The following FLNC variants were observed in gnomAD, a reference collection of about 807,000 sequenced individuals.
FLNC encodes filamin C.
A neutral mutation model predicts 254.3 loss-of-function variants in FLNC; 91 were observed. The observed-to-expected ratio is 0.36, with a 90% CI of 0.30 to 0.43. FLNC has a LOEUF of 0.43. Ranked by LOEUF, FLNC falls within the 20% of genes least tolerant of loss-of-function variation. FLNC has a pLI of 1.00. For missense variants in FLNC, 2,853 were observed against 3,802.6 expected (o/e 0.75, Z 6.57); for synonymous variants, 1,430 against 1,577.2 (o/e 0.91, Z 2.21).
Position 128,837,740 on chromosome 7 carries a change from A to G in FLNC, c.954A>G (p.Glu318=). The G allele has an allele frequency of 6.3e-7, 1 of 1,584,594 alleles. No individual in the cohort carries two copies. The highest frequency in any genetic ancestry group is 2.3e-5 in the East Asian group (1 of 43,008). Residue 318 remains glutamate, a synonymous_variant, in exon 5 of 48, where the codon GAA becomes GAG. Transcript: ENST00000325888. ...TGCTGGTCTACATCGAGGACCCTGAAGGCCACACCGAGGAGGTATGCAGAG... is the reference window on the plus strand; with the variant it reads ...TGCTGGTCTACATCGAGGACCCTGAGGGCCACACCGAGGAGGTATGCAGAG... The part of the protein sequence containing the change: ...GEVLVYIEDP[E]GHTEEAKVVP...
intron 1 of FLNC, among the ~76,000 whole-genome samples, chr7:128,831,848 C>T (rs1807906505): frequency 6.6e-6 from 1 of 152,050 alleles, no homozygotes; most frequent in South Asian, 2.1e-4. Context: ...AGCAGAGACG[C>T]CAAGGGTGGG....
rs779239509 is a variant in FLNC at position 128,836,317 on chromosome 7, G to A, written c.601+743G>A. ...ATCCTCCTCCACCCTGGGGTCAGCC[G>A]GGGAGCAGAGGGTGGGAGGCGGGGG... On this transcript the variant is annotated intron_variant, in intron 2 of 47. Transcript: ENST00000325888. The surrounding 1 kb of genome is among the most constrained non-coding windows in gnomAD (Gnocchi z 6.0). 1.3e-5 allele frequency among the ~76,000 whole-genome samples: 2 copies of A among 152,220 alleles called. No homozygotes were observed. Among genetic ancestry groups the A allele is most frequent in the South Asian group, 2.1e-4 (1 of 4,836 alleles).
rs199804244 is a variant in FLNC at position 128,846,137 on chromosome 7, G to A, written c.3938G>A (p.Arg1313Gln). Residue 1313 changes from arginine to glutamine, a missense_variant, in exon 22 of 48, where the codon CGA (arginine) becomes CAA (glutamine). Around this residue, in one of 10 missense-constraint regions of FLNC, gnomAD observed 1,573 missense variants for 1,883.5 expected, o/e 0.84. Coordinates refer to ENST00000325888, the MANE Select transcript of FLNC (RefSeq NM_001458.5). ...ACAGACAATGGGGACGGCACCTACC[G>A]AGTGCAGTACACCGCCTACGAGGAG... ...YVTDNGDGTYRVQYTAYEEGV... is the reference protein window; with the variant it reads ...YVTDNGDGTYQVQYTAYEEGV... 660 of 1,613,908 alleles carry A rather than the reference G, an allele frequency of 4.1e-4. No individual in the cohort carries two copies. Among genetic ancestry groups the A allele is most frequent in the Non-Finnish European group, 5.2e-4 (618 of 1,179,984 alleles).
intron 1 of FLNC, among the ~76,000 whole-genome samples, chr7:128,832,463 G>T (rs1178996967): frequency 6.6e-6 from 1 of 152,220 alleles, no homozygotes; most frequent in Non-Finnish European, 1.5e-5. Flanking sequence ...GGTGGGGTCT[G>T]GGGGAAGAGC....
Position 128,858,621 on chromosome 7 carries a change from C to T in FLNC, c.*98C>T, listed in dbSNP as rs144986537. 6 of 938,604 alleles carry T rather than the reference C, an allele frequency of 6.4e-6. No homozygotes were observed. Among genetic ancestry groups the T allele is most frequent in the Admixed American group, 3.9e-5 (2 of 51,650 alleles). 58.1% of individuals were successfully genotyped at this position (938,604 alleles called of 1,614,324 possible). On this transcript the variant is annotated 3_prime_UTR_variant, in exon 48 of 48. Transcript: ENST00000325888. This position sits in a 1 kb window ranked among gnomAD's most constrained non-coding sequence, Gnocchi z 6.7. ...CACAAATGTGCCACACCCAGACACG[C>T]ACAGAATCAGACACTACAAACACCT...
In FLNC at chr7:128,837,523, C is replaced by T; in HGVS notation, c.825C>T (p.Pro275=). The change falls in exon 4 of 48, where the codon CCC becomes CCT. Residue 275 remains proline, a synonymous_variant. Transcript: ENST00000325888. ...CTGTTCGATCCAAGCAGCTGAACCC[C>T]AAGAAAGCCATCGCCTATGGGCCTG... ...GAPVRSKQLN[P]KKAIAYGPGI... The T allele has an allele frequency of 6.2e-7, 1 of 1,614,164 alleles. No homozygotes were observed. Among genetic ancestry groups the T allele is most frequent in the Non-Finnish European group, 8.5e-7 (1 of 1,180,022 alleles).
At position 128,842,734 on chromosome 7, in the gene FLNC, G is replaced by A; in HGVS notation, c.2389+36G>A. Reference sequence around the variant, plus strand: ...CCGGAAGGGGTGGGTCTGGGAGGGGGCGGGGGTGAGTCGAGTCGGGGGCTG... The same window carrying A: ...CCGGAAGGGGTGGGTCTGGGAGGGGACGGGGGTGAGTCGAGTCGGGGGCTG... On this transcript the variant is annotated intron_variant, in intron 15 of 47. Transcript: ENST00000325888. This position sits in a 1 kb window ranked among gnomAD's most constrained non-coding sequence, Gnocchi z 5.4. The A allele has an allele frequency of 1.3e-6, 2 of 1,582,882 alleles. No homozygotes were observed. The highest frequency in any genetic ancestry group is 1.1e-5 in the South Asian group (1 of 87,546).
intron 8 of FLNC, among the ~76,000 whole-genome samples, chr7:128,839,286 G>A (rs3823537): frequency 0.066 from 10,086 of 152,256 alleles, 393 homozygotes; most frequent in South Asian, 0.093. Flanking sequence ...GTTCCATGCC[G>A]TTGTCTGTGT....
Position 128,849,960 on chromosome 7 carries a change from T to A in FLNC, c.5200-16T>A. The A allele has an allele frequency of 6.4e-7, 1 of 1,565,566 alleles. No individual in the cohort carries two copies. The highest frequency in any genetic ancestry group is 8.7e-7 in the Non-Finnish European group (1 of 1,152,284). ...GAGGCTGCCACACCCTGTGCCCCCG[T>A]GCCTTGCCTCCCCAGGCGTGTGACC... On this transcript the variant is annotated splice_polypyrimidine_tract_variant and intron_variant, in intron 30 of 47. Transcript: ENST00000325888.
At chr7:128,849,611 C>T in intron 30 of FLNC, 33 bp downstream of exon 30, 1 of 1,609,364 alleles carries the variant, frequency 6.2e-7, no homozygotes. Context: ...GACTAGATGG[C>T]TGGGGAGGGG....
chr7:128,837,102 C>A, intron 2 of FLNC, 58 bp from the exon 3 acceptor site: 1 of 1,192,752 alleles, frequency 8.4e-7, no homozygotes, highest in Non-Finnish European at 1.2e-6. Flanking sequence ...GAACAAATGC[C>A]CTGCATCCTG....
chr7:128,841,150 C>T lies in FLNC; in HGVS notation c.1814-20C>T. ...TCTTGCCTGATGCTGGATCCCCGAC[C>T]CTCCCCCACCTTGCCCCAGGCTTCT... On this transcript the variant is annotated intron_variant, in intron 11 of 47. Transcript: ENST00000325888. This position sits in a 1 kb window ranked among gnomAD's most constrained non-coding sequence, Gnocchi z 4.3. 6.2e-7 allele frequency: 1 copy of T among 1,612,484 alleles called. No homozygotes were observed. The highest frequency in any genetic ancestry group is 8.5e-7 in the Non-Finnish European group (1 of 1,179,498).
At position 128,856,589 on chromosome 7, in the gene FLNC, T is replaced by A. The variant is rs752106552; in HGVS notation, c.7323T>A (p.Asp2441Glu). 3.7e-6 allele frequency: 6 copies of A among 1,612,700 alleles called. No homozygotes were observed. Among genetic ancestry groups the A allele is most frequent in the Middle Eastern group, 1.6e-4 (1 of 6,084 alleles). Reference sequence around the variant, plus strand: ...TGAACGGTGCCCGGGGCGTGATTGATGCCCGGGTGCACACACCCTCGGGGG... The same window carrying A: ...TGAACGGTGCCCGGGGCGTGATTGAAGCCCGGGTGCACACACCCTCGGGGG... ...VQLNGARGVI[D>E]ARVHTPSGAV... Residue 2441 changes from aspartate to glutamate, a missense_variant, in exon 44 of 48, where the codon GAT becomes GAA. Asp to Glu is a conservative substitution (Grantham distance 45). Transcript: ENST00000325888. This position sits in a 1 kb window ranked among gnomAD's most constrained non-coding sequence, Gnocchi z 5.9.
At chr7:128,833,860 C>T (rs1359380707) in intron 1 of FLNC, among the ~76,000 whole-genome samples, 1 of 152,024 alleles carries the variant, frequency 6.6e-6, no homozygotes, top group Non-Finnish European at 1.5e-5. Context: ...TGCAGTGGAG[C>T]CAGGGGAAGG....
rs765261026 is a variant in FLNC at position 128,854,089 on chromosome 7, G to T, written c.6600G>T (p.Glu2200Asp). 2.5e-6 allele frequency: 4 copies of T among 1,613,088 alleles called. No individual in the cohort carries two copies. Reference protein sequence around the residue: ...RTEISKTRGGETKREVRVEES... With the variant: ...RTEISKTRGGDTKREVRVEES... ...AGATCAGCAAGACGCGGGGCGGGGAGACAAAGCGCGAGGTGCGGGTGGAGG... is the reference window on the plus strand; with the variant it reads ...AGATCAGCAAGACGCGGGGCGGGGATACAAAGCGCGAGGTGCGGGTGGAGG... The change falls in exon 40 of 48, where the codon GAG (glutamate) becomes GAT (aspartate). Residue 2200 changes from glutamate to aspartate, a missense_variant. Glu to Asp is a conservative substitution (Grantham distance 45). This residue lies in a region of FLNC where 551 missense variants were observed against 835.0 expected (regional missense o/e 0.66). Coordinates refer to ENST00000325888, the MANE Select transcript of FLNC (RefSeq NM_001458.5).
Position 128,842,276 on chromosome 7 carries a change from G to A in FLNC, c.2167G>A (p.Asp723Asn), listed in dbSNP as rs375414341. 4.6e-5 allele frequency: 74 copies of A among 1,613,732 alleles called. No homozygotes were observed. Among genetic ancestry groups the A allele is most frequent in the Non-Finnish European group, 5.4e-5 (64 of 1,180,020 alleles). The change falls in exon 14 of 48, where the codon GAC becomes AAC. Residue 723 changes from aspartate (D) to asparagine (N), a missense_variant. Asp to Asn is a conservative substitution (Grantham distance 23, BLOSUM62 1). Coordinates refer to ENST00000325888, the MANE Select transcript of FLNC (RefSeq NM_001458.5). The surrounding 1 kb of genome is among the most constrained non-coding windows in gnomAD (Gnocchi z 5.4). ...CGACATCAAGGTGATCCCCAACGGC[G>A]ACGGCACCTTCCGCTGCTCCTACGT... ...PIDIKVIPNG[D>N]GTFRCSYVPT...
In FLNC at chr7:128,843,805, G is replaced by A. The variant is rs1334463747; in HGVS notation, c.2821G>A (p.Ala941Thr). 1.9e-6 allele frequency: 3 copies of A among 1,614,012 alleles called. No individual in the cohort carries two copies. The highest frequency in any genetic ancestry group is 2.2e-5 in the South Asian group (2 of 91,086). Residue 941 changes from alanine (A) to threonine (T), a missense_variant, in exon 19 of 48, where the codon GCA (alanine) becomes ACA (threonine). By Grantham distance (58) the Ala-to-Thr change is moderately conservative. This residue lies in a region of FLNC where 1,573 missense variants were observed against 1,883.5 expected (regional missense o/e 0.84). Transcript: ENST00000325888. ...CCATTGTACCCAACAGGGCAACATGGCAGTGACAGTGACTTATGGCGGGGA... is the reference window on the plus strand; with the variant it reads ...CCATTGTACCCAACAGGGCAACATGACAGTGACAGTGACTTATGGCGGGGA... ...KYTAVQQGNM[A>T]VTVTYGGDPV...
intron 18 of FLNC, 103 bp from the exon 19 acceptor site, chr7:128,843,693 C>T: frequency 6.7e-7 from 1 of 1,489,390 alleles, no homozygotes. Context: ...GCCTCCTGCC[C>T]TCACTCTCAT....
chr7:128,834,121 C>T (rs756814561), intron 1 of FLNC, among the ~76,000 whole-genome samples: 2 of 152,184 alleles, frequency 1.3e-5, no homozygotes, highest in Non-Finnish European at 2.9e-5. Context: ...TCCCATCTCT[C>T]GGGCAACATC....
Sources: gnomAD v4.1 joint callset for allele counts (sites outside exome capture counted in the v4.1 genomes callset) on GRCh38, gnomAD v4.1.1 for gene constraint, gnomAD v4.1.1 regional missense constraint, Gnocchi (gnomAD v3.1) non-coding constraint, MANE v1.5 for transcripts, NCBI Gene and HGNC (gene_info 2026-07-23, HGNC 2026-07-21) for gene names.